The following SEC24A variants were observed in gnomAD, a reference collection of about 807,000 sequenced individuals.
SEC24A encodes SEC24 homolog A, COPII component.
In SEC24A, 93 loss-of-function variants were observed where a neutral mutation model predicts 129.4. That is an observed-to-expected ratio of 0.72 (90% CI 0.61 to 0.85). SEC24A has a LOEUF of 0.85. Ranked by LOEUF, SEC24A falls within the 40% of genes least tolerant of loss-of-function variation. The pLI is 0.00. For synonymous variants in SEC24A, 460 were observed against 467.3 expected (o/e 0.98, Z 0.20); for missense variants, 1,264 against 1,307.4 (o/e 0.97, Z 0.51).
chr5:134,707,098 A>G (rs1752187370), intron 17 of SEC24A, among the ~76,000 whole-genome samples: 1 of 152,104 alleles, frequency 6.6e-6, no homozygotes, highest in Admixed American at 6.6e-5. Flanking sequence ...TGGCCTACCA[A>G]ACTGTTGAGA....
At chr5:134,668,184 G>A (rs753563731) in intron 3 of SEC24A, among the ~76,000 whole-genome samples, 1 of 151,832 alleles carries the variant, frequency 6.6e-6, no homozygotes, top group African/African-American at 2.4e-5. Flanking sequence ...CAGATGAGGG[G>A]GTAAAACCAT....
chr5:134,705,280 G>C (rs375037015), intron 16 of SEC24A, 47 bp from the exon 17 acceptor site: 1 of 1,415,220 alleles, frequency 7.1e-7, no homozygotes, highest in Non-Finnish European at 1.0e-6. Flanking sequence ...ATAATCTTTT[G>C]TTTTATATAG....
At chr5:134,660,767 G>A (rs1750425620) in intron 1 of SEC24A, among the ~76,000 whole-genome samples, 1 of 152,056 alleles carries the variant, frequency 6.6e-6, no homozygotes, top group African/African-American at 2.4e-5. Context: ...ATGTTGCCCA[G>A]GCTGGTCTTG....
intron 7 of SEC24A, among the ~76,000 whole-genome samples, chr5:134,677,792 C>T (rs192619114): frequency 3.3e-5 from 5 of 151,112 alleles, no homozygotes; most frequent in Admixed American, 6.6e-5. Flanking sequence ...AGCCAAGATC[C>T]CACACTGTAC....
intron 3 of SEC24A, among the ~76,000 whole-genome samples, chr5:134,668,595 G>A (rs1387237474): frequency 2.6e-5 from 4 of 152,026 alleles, no homozygotes; most frequent in African/African-American, 7.2e-5. Flanking sequence ...GCATAGTGGC[G>A]GGCACCTGTA....
intron 1 of SEC24A, among the ~76,000 whole-genome samples, chr5:134,658,431 C>G: frequency 6.6e-6 from 1 of 152,190 alleles, no homozygotes; most frequent in East Asian, 1.9e-4. Context: ...TTTTGAGACA[C>G]GTTCTCACTC....
chr5:134,681,292 C>T (rs945631530), intron 8 of SEC24A, among the ~76,000 whole-genome samples: 5 of 151,604 alleles, frequency 3.3e-5, no homozygotes, highest in South Asian at 2.1e-4. Context: ...CCCAGCTACT[C>T]GGGAGGCTGA....
chr5:134,713,636 T>A (rs1752393334), intron 18 of SEC24A, among the ~76,000 whole-genome samples: 1 of 152,154 alleles, frequency 6.6e-6, no homozygotes, highest in South Asian at 2.1e-4. Flanking sequence ...TTTTATTATC[T>A]TCCTTTAATA....
chr5:134,697,803 A>G (rs1195719898), intron 14 of SEC24A, 96 bp from the exon 15 acceptor site: 1 of 1,260,080 alleles, frequency 7.9e-7, no homozygotes, highest in African/African-American at 1.5e-5. Flanking sequence ...TTTACCTTGG[A>G]AAGTTAAAGA....
At chr5:134,664,091 C>T (rs1561804645) in intron 2 of SEC24A, among the ~76,000 whole-genome samples, 1 of 150,916 alleles carries the variant, frequency 6.6e-6, no homozygotes, top group East Asian at 1.9e-4. Context: ...GTCTGGGCGA[C>T]AGAGCAAGAC....
Position 134,661,317 on chromosome 5 carries a change from C to A in SEC24A, c.296C>A (p.Ser99Ter). 6.2e-7 allele frequency: 1 copy of A among 1,614,156 alleles called. No homozygotes were observed. Among genetic ancestry groups the A allele is most frequent in the Non-Finnish European group, 8.5e-7 (1 of 1,180,034 alleles). Residue 99 changes from serine (S) to a stop codon, truncating the protein, a stop_gained, in exon 2 of 23, where the codon TCG becomes TAG. Transcript: ENST00000398844. LOFTEE classifies it high-confidence loss of function. ...GTGGCCTCTAATCCAGTGACACCTT[C>A]GCTTCATAGTGGTCCTGCTCCCCGA... ...PPVASNPVTP[S>*]LHSGPAPRMP...
chr5:134,697,763 A>G lies in SEC24A; in HGVS notation c.2108-136A>G, dbSNP rs543265931. On this transcript the variant is annotated intron_variant, in intron 14 of 22. Transcript: ENST00000398844. ...ACAGAATGGGACTCTGTCTCAAAAAAAGGGAATAAAATCTCCTTTCTGACA... is the reference window on the plus strand; with the variant it reads ...ACAGAATGGGACTCTGTCTCAAAAAGAGGGAATAAAATCTCCTTTCTGACA... 2.5e-5 allele frequency: 23 copies of G among 932,092 alleles called. No individual in the cohort carries two copies. In the South Asian group the frequency reaches 3.6e-4, roughly 14 times the overall value. 57.7% of individuals were successfully genotyped at this position (932,092 alleles called of 1,614,324 possible). A position where few individuals can be genotyped will look rare whatever the true frequency, so the allele number is the denominator to read the frequency against.
intron 1 of SEC24A, 167 bp downstream of exon 1, chr5:134,649,340 AG>A: frequency 2.0e-6 from 1 of 493,336 alleles, no homozygotes. Context: ...GTGCACCTGT[AG>A]CCCCAGGCTC....
chr5:134,711,810 C>T (rs1441300470), intron 18 of SEC24A, among the ~76,000 whole-genome samples: 2 of 151,448 alleles, frequency 1.3e-5, no homozygotes, highest in Admixed American at 6.6e-5. Flanking sequence ...TGCAGTGGCG[C>T]AATCTTGGCT....
rs1022120136 is a variant in SEC24A, at chr5:134,726,318, T to C, written c.*1224T>C. 4 of 152,718 alleles carry C rather than the reference T, an allele frequency of 2.6e-5. No individual in the cohort carries two copies. Among genetic ancestry groups the C allele is most frequent in the South Asian group, 2.1e-4 (1 of 4,834 alleles). 9.5% of individuals were successfully genotyped at this position (152,718 alleles called of 1,614,324 possible). On this transcript the variant is annotated 3_prime_UTR_variant, in exon 23 of 23. Transcript: ENST00000398844. ...CTGTGACATAGTATCTTTAAGAGTT[T>C]GGCTCAGTTTTCACAGATTCATTTT...
At chr5:134,649,970 C>T (rs552663633) in intron 1 of SEC24A, among the ~76,000 whole-genome samples, 15 of 152,306 alleles carry the variant, frequency 9.8e-5, no homozygotes, top group South Asian at 8.3e-4. Context: ...TACCAATTTA[C>T]TTACAAATCT....
At chr5:134,699,700 T>G (rs1182145834) in intron 15 of SEC24A, among the ~76,000 whole-genome samples, 1 of 147,502 alleles carries the variant, frequency 6.8e-6, no homozygotes, top group Non-Finnish European at 1.5e-5. Flanking sequence ...TACTCTCTTT[T>G]TTTTTTTTTT....
At chr5:134,689,915 C>A (rs781440119) in intron 11 of SEC24A, among the ~76,000 whole-genome samples, 1 of 151,046 alleles carries the variant, frequency 6.6e-6, no homozygotes, top group Non-Finnish European at 1.5e-5. Flanking sequence ...TATGGTTCCA[C>A]TTATATATAG....
chr5:134,690,264 C>T (rs912664674), intron 11 of SEC24A, among the ~76,000 whole-genome samples: 7 of 152,084 alleles, frequency 4.6e-5, no homozygotes, highest in Non-Finnish European at 8.8e-5. Flanking sequence ...AGGTGATCTG[C>T]CCGCCTCTGC....
Sources: gnomAD v4.1 joint callset for allele counts (sites outside exome capture counted in the v4.1 genomes callset) on GRCh38, gnomAD v4.1.1 for gene constraint, MANE v1.5 for transcripts, NCBI Gene and HGNC (gene_info 2026-07-23, HGNC 2026-07-21) for gene names.